TLN1: variants seen among roughly 807,000 people sequenced by gnomAD.
TLN1 encodes talin 1, also known as talin-1.
A neutral mutation model predicts 292.3 loss-of-function variants in TLN1; 56 were observed. The ratio of observed to expected loss-of-function variants is 0.19; its 90% confidence interval spans 0.15 to 0.24. The LOEUF (loss-of-function observed/expected upper bound fraction) is 0.24. Ranked by LOEUF, TLN1 falls within the 10% of genes least tolerant of loss-of-function variation. The probability of loss-of-function intolerance (pLI) is 1.00; values close to 1 mark genes in which losing one functional copy is unlikely to be tolerated. For missense variants in TLN1, 2,433 were observed against 3,248.2 expected (o/e 0.75, Z 6.10); for synonymous variants, 1,119 against 1,253.7 (o/e 0.89, Z 2.27).
chr9:35,709,744 G>A (rs1439902915), intron 33 of TLN1, among the ~76,000 whole-genome samples: 15 of 150,150 alleles, frequency 1.0e-4, no homozygotes, highest in Middle Eastern at 3.5e-3. Flanking sequence ...AAAATTAGCC[G>A]GGCATGGTGG....
In TLN1 at chr9:35,707,172, C is replaced by T; in HGVS notation, c.4855G>A (p.Ala1619Thr). 2 of 1,610,492 alleles carry T rather than the reference C, an allele frequency of 1.2e-6. No individual in the cohort carries two copies. Among genetic ancestry groups the T allele is most frequent in the Non-Finnish European group, 1.7e-6 (2 of 1,178,924 alleles). ...SAGGLIQTAR[A>T]LAVNPRDPPS... The stretch of plus-strand genomic sequence containing the variant: ...GGGTCCCGGGGATTGACTGCGAGGG[C>T]CCGGGCTGTCTGGATGAGTCCCCCG... Residue 1619 changes from alanine (A) to threonine (T), a missense_variant, in exon 37 of 57, where the codon GCC becomes ACC. Physicochemically the swap from Ala to Thr is moderately conservative, Grantham distance 58. Coordinates refer to ENST00000314888, the MANE Select transcript of TLN1 (RefSeq NM_006289.4). The surrounding 1 kb of genome is among the most constrained non-coding windows in gnomAD (Gnocchi z 5.6).
At chr9:35,725,176 G>A (rs1310948529) in intron 3 of TLN1, 48 bp downstream of exon 3, 1 of 1,599,364 alleles carries the variant, frequency 6.3e-7, no homozygotes, top group East Asian at 2.2e-5. Context: ...GGAACAGGGA[G>A]AAGCTGATGG....
chr9:35,720,508 T>G lies in TLN1; in HGVS notation c.1208A>C (p.Lys403Thr). ...CAGCCCAAAGTGATCCTTGCTTTTT[T>G]TCTGTAGGAAGGAAAAAGGAACAAG... ...AGYIDIILKK[K>T]KSKDHFGLEG... The change falls in exon 12 of 57, where the codon AAA becomes ACA. Residue 403 changes from lysine to threonine, a missense_variant and splice_region_variant. Lys to Thr is a moderately conservative substitution (Grantham distance 78). Coordinates refer to ENST00000314888, the MANE Select transcript of TLN1 (RefSeq NM_006289.4). 1 of 1,614,060 alleles carries G rather than the reference T, an allele frequency of 6.2e-7. No individual in the cohort carries two copies. Among genetic ancestry groups the G allele is most frequent in the Non-Finnish European group, 8.5e-7 (1 of 1,179,994 alleles).
chr9:35,713,946 T>C lies in TLN1; in HGVS notation c.3249+7A>G, dbSNP rs372497405. The C allele has an allele frequency of 4.2e-5, 68 of 1,614,106 alleles. No homozygotes were observed. The African/African-American group carries it at 7.7e-4, about 18-fold the overall frequency. ...TTGAGTAAGAATGAGGTCTTAAACA[T>C]ACTTACTGTCTCCCCAGGTAAGGGT... On this transcript the variant is annotated splice_region_variant and intron_variant, in intron 25 of 56. Coordinates refer to ENST00000314888, the MANE Select transcript of TLN1 (RefSeq NM_006289.4).
At chr9:35,711,499 G>A (rs1825667224) in intron 29 of TLN1, 96 bp downstream of exon 29, 1 of 1,603,416 alleles carries the variant, frequency 6.2e-7, no homozygotes, top group African/African-American at 1.3e-5. Flanking sequence ...ACTGGGGAGG[G>A]AAGGGAGCCA....
Position 35,717,504 on chromosome 9 carries a change from G to A in TLN1, c.2164-64C>T. 6.3e-7 allele frequency: 1 copy of A among 1,581,094 alleles called. No homozygotes were observed. Among genetic ancestry groups the A allele is most frequent in the Non-Finnish European group, 8.6e-7 (1 of 1,158,640 alleles). ...AAGGAGGTAGAGTATGCTGCTCATA[G>A]CAGTAACTGGGATGGGTGAGGAGGC... is the stretch of plus-strand genomic sequence containing the variant. On this transcript the variant is annotated intron_variant, in intron 18 of 56. Transcript: ENST00000314888. The surrounding 1 kb of genome is among the most constrained non-coding windows in gnomAD (Gnocchi z 4.7).
rs528116819 is a variant in TLN1, at chr9:35,698,650, G to A, written c.7155C>T (p.Asp2385=). ...KVGAIPANAL[D]DGQWSQGLIS... is the part of the protein sequence containing the mutation. ...TGAGGCCCTGGGACCACTGCCCATCGTCCAGTGCATTGGCTGGAATGGCAC... is the reference window on the plus strand; with the variant it reads ...TGAGGCCCTGGGACCACTGCCCATCATCCAGTGCATTGGCTGGAATGGCAC... The change falls in exon 54 of 57, where the codon GAC becomes GAT. Residue 2385 remains aspartate, a synonymous_variant. Transcript: ENST00000314888. This position sits in a 1 kb window ranked among gnomAD's most constrained non-coding sequence, Gnocchi z 5.3. The A allele has an allele frequency of 1.1e-5, 17 of 1,614,150 alleles. No individual in the cohort carries two copies. The highest frequency in any genetic ancestry group is 4.5e-5 in the East Asian group (2 of 44,880).
Position 35,714,168 on chromosome 9 carries a change from T to G in TLN1, c.3120+71A>C. The G allele has an allele frequency of 6.3e-7, 1 of 1,598,522 alleles. No individual in the cohort carries two copies. Among genetic ancestry groups the G allele is most frequent in the Non-Finnish European group, 8.6e-7 (1 of 1,168,534 alleles). On this transcript the variant is annotated intron_variant, in intron 24 of 56. Transcript: ENST00000314888. This position sits in a 1 kb window ranked among gnomAD's most constrained non-coding sequence, Gnocchi z 4.6. ...TTACACAATTATCTGCGTATTGGGTTATTCTGCACAGATTTCCTCTCATCA... is the reference window on the plus strand; with the variant it reads ...TTACACAATTATCTGCGTATTGGGTGATTCTGCACAGATTTCCTCTCATCA...
In TLN1 at chr9:35,699,809, G is replaced by C. The variant is rs1176871849; in HGVS notation, c.6768+165C>G. The C allele has an allele frequency of 1.4e-6, 1 of 706,102 alleles. No homozygotes were observed. Among genetic ancestry groups the C allele is most frequent in the Non-Finnish European group, 1.7e-6 (1 of 575,422 alleles). 43.7% of individuals were successfully genotyped at this position (706,102 alleles called of 1,614,324 possible). A position where few individuals can be genotyped will look rare whatever the true frequency, so the allele number is the denominator to read the frequency against. On this transcript the variant is annotated intron_variant, in intron 50 of 56. Coordinates refer to ENST00000314888, the MANE Select transcript of TLN1 (RefSeq NM_006289.4). The surrounding 1 kb of genome is among the most constrained non-coding windows in gnomAD (Gnocchi z 4.0). ...AGAACCAAAGATGATAAGAAGGATG[G>C]GGCCTGGGAGAAAGGGAGACTTGGA...
intron 10 of TLN1, 134 bp from the exon 11 acceptor site, chr9:35,721,047 T>G: frequency 1.6e-6 from 1 of 620,496 alleles, no homozygotes; most frequent in Non-Finnish European, 2.8e-6. Context: ...GATGCCCACC[T>G]TTCTTGAACC....
At chr9:35,708,916 G>T (rs1825611591) in intron 33 of TLN1, among the ~76,000 whole-genome samples, 1 of 152,202 alleles carries the variant, frequency 6.6e-6, no homozygotes, top group South Asian at 2.1e-4. Context: ...AAGGTTATTA[G>T]GCTAATTCAC....
intron 27 of TLN1, 29 bp downstream of exon 27, chr9:35,712,806 G>C: frequency 1.3e-6 from 2 of 1,536,958 alleles, no homozygotes; most frequent in Middle Eastern, 1.7e-4. Flanking sequence ...ACCTGGGGGA[G>C]AGGGAGTGGC....
chr9:35,698,540 C>T lies in TLN1; in HGVS notation c.7189-35G>A, dbSNP rs1825407856. The T allele has an allele frequency of 1.2e-6, 2 of 1,613,860 alleles. No individual in the cohort carries two copies. The highest frequency in any genetic ancestry group is 1.7e-6 in the Non-Finnish European group (2 of 1,179,934). On this transcript the variant is annotated intron_variant, in intron 54 of 56. Coordinates refer to ENST00000314888, the MANE Select transcript of TLN1 (RefSeq NM_006289.4). The surrounding 1 kb of genome is among the most constrained non-coding windows in gnomAD (Gnocchi z 5.3). ...GGAGAGTTTGCTTAAAAATATGCCCCTTGCCCTGGTCCATCCCCACTCCAG... is the reference window on the plus strand; with the variant it reads ...GGAGAGTTTGCTTAAAAATATGCCCTTTGCCCTGGTCCATCCCCACTCCAG...
Position 35,706,568 on chromosome 9 carries a change from C to T in TLN1, c.5089-17G>A, listed in dbSNP as rs760259110. ...GTGCAAGGCCTGGGGAGGAAGTGGACATTAGCCCTGATGGTGACCTGCAAT... is the reference window on the plus strand; with the variant it reads ...GTGCAAGGCCTGGGGAGGAAGTGGATATTAGCCCTGATGGTGACCTGCAAT... On this transcript the variant is annotated splice_polypyrimidine_tract_variant and intron_variant, in intron 38 of 56. Transcript: ENST00000314888. The surrounding 1 kb of genome is among the most constrained non-coding windows in gnomAD (Gnocchi z 4.2). The T allele has an allele frequency of 8.7e-6, 14 of 1,612,960 alleles. No individual in the cohort carries two copies. The highest frequency in any genetic ancestry group is 6.7e-5 in the Admixed American group (4 of 59,974).
rs778584411 is a variant in TLN1, at chr9:35,698,445, C to T, written c.7249G>A (p.Gly2417Ser). 6.2e-7 allele frequency: 1 copy of T among 1,614,092 alleles called. No homozygotes were observed. Among genetic ancestry groups the T allele is most frequent in the Non-Finnish European group, 8.5e-7 (1 of 1,180,010 alleles). Residue 2417 changes from glycine (G) to serine (S), a missense_variant, in exon 55 of 57, where the codon GGC (glycine) becomes AGC (serine). Coordinates refer to ENST00000314888, the MANE Select transcript of TLN1 (RefSeq NM_006289.4). The surrounding 1 kb of genome is among the most constrained non-coding windows in gnomAD (Gnocchi z 5.3). ...LCEAANAAVQGHASQEKLISS... is the reference protein window; with the variant it reads ...LCEAANAAVQSHASQEKLISS... ...ATGAGCTTCTCCTGGCTGGCATGGCCTTGTACAGCTGCATTGGCTGCCTCA... is the reference window on the plus strand; with the variant it reads ...ATGAGCTTCTCCTGGCTGGCATGGCTTTGTACAGCTGCATTGGCTGCCTCA...
At position 35,721,736 on chromosome 9, in the gene TLN1, C is replaced by T; in HGVS notation, c.1016G>A (p.Arg339Gln). Reference sequence around the variant, plus strand: ...CACTTCCTTGGTCTTCTCATCCACTCGCATCACACACTCCTTGGTGATGCC... The same window carrying T: ...CACTTCCTTGGTCTTCTCATCCACTTGCATCACACACTCCTTGGTGATGCC... The part of the protein sequence containing the change: ...LLGITKECVM[R>Q]VDEKTKEVIQ... The change falls in exon 10 of 57, where the codon CGA becomes CAA. Residue 339 changes from arginine (R) to glutamine (Q), a missense_variant. Physicochemically the swap from Arg to Gln is conservative, Grantham distance 43 (BLOSUM62 1). Transcript: ENST00000314888. The T allele has an allele frequency of 1.2e-6, 2 of 1,614,088 alleles. No homozygotes were observed. The highest frequency in any genetic ancestry group is 1.7e-6 in the Non-Finnish European group (2 of 1,179,958).
rs760405428 is a variant in TLN1 at position 35,715,066 on chromosome 9, C to T, written c.2747G>A (p.Arg916His). 24 of 1,612,866 alleles carry T rather than the reference C, an allele frequency of 1.5e-5. No homozygotes were observed. The highest frequency in any genetic ancestry group is 9.3e-6 in the Non-Finnish European group (11 of 1,180,044). ...TGAAACTCCCAGCCTCACCTCCAGG[C>T]GCTGCACCAGCTTTTTCTTGATGGC... ...QNAIKKKLVQ[R>H]LEHAAKQAAA... is the part of the protein sequence containing the mutation. The change falls in exon 21 of 57, where the codon CGC becomes CAC. Residue 916 changes from arginine (R) to histidine (H), a missense_variant. Arg to His is a conservative substitution (Grantham distance 29, BLOSUM62 0). Around this residue, in one of 7 missense-constraint regions of TLN1, gnomAD observed 617 missense variants for 770.6 expected, o/e 0.80. Coordinates refer to ENST00000314888, the MANE Select transcript of TLN1 (RefSeq NM_006289.4).
chr9:35,714,963 A>G lies in TLN1; in HGVS notation c.2755-87T>C. 1 of 1,610,102 alleles carries G rather than the reference A, an allele frequency of 6.2e-7. No individual in the cohort carries two copies. Among genetic ancestry groups the G allele is most frequent in the Non-Finnish European group, 8.5e-7 (1 of 1,179,330 alleles). On this transcript the variant is annotated intron_variant, in intron 21 of 56. Transcript: ENST00000314888. The surrounding 1 kb of genome is among the most constrained non-coding windows in gnomAD (Gnocchi z 4.6). ...CCTACCTTGCCCAGGTTATGCCTCA[A>G]GGACGTATTAACTTACTCTCCGCAC...
chr9:35,700,115 C>T (rs374067583), intron 49 of TLN1, 34 bp from the exon 50 acceptor site: 12 of 1,597,628 alleles, frequency 7.5e-6, no homozygotes, highest in East Asian at 2.2e-5. Context: ...CTTTAGGCCC[C>T]GCAGATCCCT....
Sources: gnomAD v4.1 joint callset for allele counts (sites outside exome capture counted in the v4.1 genomes callset) on GRCh38, gnomAD v4.1.1 for gene constraint, gnomAD v4.1.1 regional missense constraint, Gnocchi (gnomAD v3.1) non-coding constraint, MANE v1.5 for transcripts, NCBI Gene and HGNC (gene_info 2026-07-23, HGNC 2026-07-21) for gene names.